Variants in RSBN1L observed in about 807,000 individuals in gnomAD.
RSBN1L encodes the protein lysine-specific demethylase RSBN1L.
RSBN1L carries 30 observed loss-of-function variants against 67.7 expected under a neutral mutation model. The ratio of observed to expected loss-of-function variants is 0.44; its 90% CI spans 0.33 to 0.60. RSBN1L has a LOEUF of 0.60. RSBN1L is among the 20% of genes least tolerant of loss of function. The pLI, the probability that RSBN1L is intolerant of heterozygous loss-of-function variation, is 0.02. For missense variants in RSBN1L, 992 were observed against 1,031.7 expected, an observed-to-expected ratio of 0.96 and a Z score of 0.53; for synonymous variants, 433 against 387.0, an observed-to-expected ratio of 1.12 and a Z score of -1.39.
intron 1 of RSBN1L, among the ~76,000 whole-genome samples, chr7:77,707,271 G>T (rs1448324955): frequency 1.3e-5 from 2 of 152,110 alleles, no homozygotes; most frequent in Non-Finnish European, 2.9e-5. Flanking sequence ...TGATCCATCT[G>T]CCTTGGCTTC....
Position 77,749,905 on chromosome 7 carries a change from T to C in RSBN1L, c.1185T>C (p.Ser395=), listed in dbSNP as rs777226789. 1.2e-6 allele frequency: 2 copies of C among 1,614,210 alleles called. No homozygotes were observed. The highest frequency in any genetic ancestry group is 1.7e-6 in the Non-Finnish European group (2 of 1,180,030). Residue 395 remains serine, a synonymous_variant, in exon 3 of 8, where the codon TCT becomes TCC. Transcript: ENST00000334955. ...TAGTGTTCAGTGAAAATGAAAACTC[T>C]GCAGCTTTCTACGTGATGGGTATTG... The part of the protein sequence containing the change: ...VGLVFSENEN[S]AAFYVMGIVH...
rs1243340930 is a variant in RSBN1L at position 77,778,999 on chromosome 7, A to G, written c.2372A>G (p.Asp791Gly). 1.1e-5 allele frequency: 17 copies of G among 1,614,082 alleles called. No individual in the cohort carries two copies. The highest frequency in any genetic ancestry group is 1.4e-5 in the Non-Finnish European group (16 of 1,179,974). ...GGCAAGAATGTTAAAGCAAAATTGG[A>G]TCATGTTCAATTTGCAGAATTTAAG... ...MDGKNVKAKL[D>G]HVQFAEFKID... Residue 791 changes from aspartate to glycine, a missense_variant, in exon 8 of 8, where the codon GAT (aspartate) becomes GGT (glycine). Coordinates refer to ENST00000334955, the MANE Select transcript of RSBN1L (RefSeq NM_198467.3).
rs1554338354 is a variant in RSBN1L, at chr7:77,725,243, A to AATTTTTTTTT, written c.587-11167_587-11166insATTTTTTTTT. On this transcript the variant is annotated intron_variant, in intron 1 of 7. Coordinates refer to ENST00000334955, the MANE Select transcript of RSBN1L (RefSeq NM_198467.3). The stretch of plus-strand genomic sequence containing the variant: ...TTTCTTCCCTAGGGATAAGCCCCCC[A>AATTTTTTTTT]CTTTTTTTTTTTTTTTTTTTTTGAG... 2.9e-4 allele frequency among the ~76,000 whole-genome samples: 17 copies of AATTTTTTTTT among 57,882 alleles called. 1 individual carries two copies. The highest frequency in any genetic ancestry group is 1.4e-3 in the African/African-American group (16 of 11,304). 38.0% of individuals were successfully genotyped at this position (57,882 alleles called of 152,430 possible).
intron 1 of RSBN1L, among the ~76,000 whole-genome samples, chr7:77,720,763 CTTTTT>C (rs34070122): frequency 3.8e-5 from 4 of 104,368 alleles, no homozygotes; most frequent in Non-Finnish European, 5.6e-5. Flanking sequence ...TTTTCTTTTT[CTTTTT>C]TTTTTTTTTT....
intron 2 of RSBN1L, among the ~76,000 whole-genome samples, chr7:77,747,372 T>G (rs1460068339): frequency 6.6e-6 from 1 of 152,182 alleles, no homozygotes; most frequent in African/African-American, 2.4e-5. Context: ...TGGCAGCTCC[T>G]CCCATCACAG....
At chr7:77,727,618 A>G (rs1052438157) in intron 1 of RSBN1L, among the ~76,000 whole-genome samples, 1 of 151,530 alleles carries the variant, frequency 6.6e-6, no homozygotes, top group Non-Finnish European at 1.5e-5. Context: ...AGCTAATTAA[A>G]AAACAAATTT....
chr7:77,774,452 G>C (rs915396695), intron 6 of RSBN1L, among the ~76,000 whole-genome samples: 7 of 152,188 alleles, frequency 4.6e-5, no homozygotes, highest in African/African-American at 1.7e-4. Context: ...GCTGGGGCCA[G>C]GTGCGGTGGC....
Position 77,750,000 on chromosome 7 carries a change from T to C in RSBN1L, c.1280T>C (p.Val427Ala). ...TCATTTAATTTTCCCAATTCACCAG[T>C]GAAAATGGAGATATTGGGAAAGAAA... Reference protein sequence around the residue: ...YFSFNFPNSPVKMEILGKKDI... With the variant: ...YFSFNFPNSPAKMEILGKKDI... The change falls in exon 3 of 8, where the codon GTG becomes GCG. Residue 427 changes from valine (V) to alanine (A), a missense_variant. Around this residue, in one of 7 missense-constraint regions of RSBN1L, gnomAD observed 63 missense variants for 84.8 expected, o/e 0.74. Transcript: ENST00000334955. 6.2e-7 allele frequency: 1 copy of C among 1,613,308 alleles called. No homozygotes were observed. The highest frequency in any genetic ancestry group is 8.5e-7 in the Non-Finnish European group (1 of 1,179,438).
intron 4 of RSBN1L, among the ~76,000 whole-genome samples, chr7:77,767,062 T>TTTCCCTTCCCTTCCCCTTCCCC (rs1791776971): frequency 9.7e-6 from 1 of 103,560 alleles, no homozygotes; most frequent in African/African-American, 3.8e-5. Context: ...TCCCCTTCCC[T>TTTCCCTTCCCTTCCCCTTCCCC]TTCCCCTTCC....
chr7:77,718,342 C>T (rs1791074771), intron 1 of RSBN1L, among the ~76,000 whole-genome samples: 1 of 152,250 alleles, frequency 6.6e-6, no homozygotes, highest in East Asian at 1.9e-4. Context: ...CTCACTGTTG[C>T]CTAGGCTGGT....
chr7:77,739,739 CTTTTTTTTTTT>C (rs1173154183), intron 2 of RSBN1L, among the ~76,000 whole-genome samples: 2,444 of 42,550 alleles, frequency 0.057, 118 homozygotes, highest in African/African-American at 0.16. Flanking sequence ...AAAAATGTGT[CTTTTTTTTTTT>C]TTTTTTTTTT....
At chr7:77,757,081 A>G (rs1301041912) in intron 3 of RSBN1L, among the ~76,000 whole-genome samples, 1 of 152,200 alleles carries the variant, frequency 6.6e-6, no homozygotes, top group Non-Finnish European at 1.5e-5. Context: ...GGCAACCAAA[A>G]TAATTTGCTT....
At chr7:77,699,511 G>A (rs539958404) in intron 1 of RSBN1L, among the ~76,000 whole-genome samples, 2 of 152,330 alleles carry the variant, frequency 1.3e-5, no homozygotes, top group South Asian at 4.1e-4. Flanking sequence ...TTTAGTAAAT[G>A]TTATTTGAGT....
Position 77,781,963 on chromosome 7 carries a change from C to T in RSBN1L, c.*2795C>T, listed in dbSNP as rs527751755. Reference sequence around the variant, plus strand: ...TCGCCCCACTGCCCTCCAGCCTGGGCGACAGTCTCAAAAAAAAAAAAAAAA... The same window carrying T: ...TCGCCCCACTGCCCTCCAGCCTGGGTGACAGTCTCAAAAAAAAAAAAAAAA... On this transcript the variant is annotated 3_prime_UTR_variant, in exon 8 of 8. Coordinates refer to ENST00000334955, the MANE Select transcript of RSBN1L (RefSeq NM_198467.3). 9.4e-4 allele frequency: 107 copies of T among 113,240 alleles called. 1 individual carries two copies. The highest frequency in any genetic ancestry group is 2.7e-3 in the African/African-American group (72 of 27,054). 7.0% of individuals were successfully genotyped at this position (113,240 alleles called of 1,614,324 possible). A position where few individuals can be genotyped will look rare whatever the true frequency, so the allele number is the denominator to read the frequency against.
chr7:77,767,702 C>T (rs1318923430), intron 4 of RSBN1L, among the ~76,000 whole-genome samples: 1 of 144,424 alleles, frequency 6.9e-6, no homozygotes, highest in Non-Finnish European at 1.5e-5. Context: ...CTTCCCCTTC[C>T]CCTTCACCTC....
intron 7 of RSBN1L, 40 bp from the exon 8 acceptor site, chr7:77,778,490 G>T: frequency 6.3e-7 from 1 of 1,596,486 alleles, no homozygotes. Context: ...TTTTTATTAT[G>T]AAGAGAGTTA....
At chr7:77,727,986 T>G (rs36099210) in intron 1 of RSBN1L, among the ~76,000 whole-genome samples, 5 of 152,328 alleles carry the variant, frequency 3.3e-5, no homozygotes, top group African/African-American at 1.2e-4. Flanking sequence ...CTATTCTCTG[T>G]GTTCTGTGAT....
At chr7:77,724,466 T>G (rs1399213918) in intron 1 of RSBN1L, among the ~76,000 whole-genome samples, 2 of 151,178 alleles carry the variant, frequency 1.3e-5, no homozygotes, top group Non-Finnish European at 2.9e-5. Flanking sequence ...CACTCTGTTG[T>G]CCAGGTGGGA....
At chr7:77,728,584 G>A (rs954897567) in intron 1 of RSBN1L, among the ~76,000 whole-genome samples, 3 of 152,164 alleles carry the variant, frequency 2.0e-5, no homozygotes, top group South Asian at 2.1e-4. Context: ...ATCATTTTTG[G>A]CAGAGATAAA....
Sources: allele counts gnomAD v4.1 joint callset (sites outside exome capture counted in the v4.1 genomes callset), GRCh38; gene constraint gnomAD v4.1.1; regional missense constraint gnomAD v4.1.1; transcripts MANE v1.5; gene names NCBI Gene and HGNC (gene_info 2026-07-23, HGNC 2026-07-21).